Variants in ALCAM observed in about 807,000 individuals in gnomAD.
ALCAM encodes activated leukocyte cell adhesion molecule.
Under a neutral mutation model 70.9 loss-of-function variants are expected in ALCAM, and 30 were observed. The ratio of observed to expected loss-of-function variants is 0.42; its 90% CI spans 0.32 to 0.57. The LOEUF (loss-of-function observed/expected upper bound fraction) is 0.57. ALCAM is among the 20% of genes least tolerant of loss of function. The pLI, the probability that ALCAM is intolerant of heterozygous loss-of-function variation, is 0.11. For missense variants in ALCAM, 591 were observed against 695.1 expected (o/e 0.85, Z 1.68); for synonymous variants, 249 against 242.5 (o/e 1.03, Z -0.25).
In ALCAM at chr3:105,493,919, T is replaced by C. The variant is rs116570459; in HGVS notation, c.74-26148T>C. On this transcript the variant is annotated intron_variant, in intron 1 of 15. Coordinates refer to ENST00000306107, the MANE Select transcript of ALCAM (RefSeq NM_001627.4). ...GAAATAAGGGCCATTATTATCCCCATTATTATTAAGGTTTAGGATATTTTA... is the reference window on the plus strand; with the variant it reads ...GAAATAAGGGCCATTATTATCCCCACTATTATTAAGGTTTAGGATATTTTA... Among the ~76,000 whole-genome samples, 1,333 of 152,330 alleles carry C rather than the reference T, an allele frequency of 8.8e-3. 14 individuals are homozygous for C. The highest frequency in any genetic ancestry group is 0.03 in the African/African-American group (1,227 of 41,566).
At chr3:105,408,177 C>T (rs1312585404) in intron 1 of ALCAM, among the ~76,000 whole-genome samples, 4 of 148,792 alleles carry the variant, frequency 2.7e-5, no homozygotes, top group African/African-American at 9.9e-5. Flanking sequence ...ATCAAAAATA[C>T]CACCATTATT....
chr3:105,465,918 A>C (rs1210806997), intron 1 of ALCAM, among the ~76,000 whole-genome samples: 1 of 151,386 alleles, frequency 6.6e-6, no homozygotes, highest in Non-Finnish European at 1.5e-5. Flanking sequence ...ATACAGCAAG[A>C]AAAAGACAGT....
chr3:105,441,632 C>A (rs1386399327), intron 1 of ALCAM, among the ~76,000 whole-genome samples: 1 of 152,170 alleles, frequency 6.6e-6, no homozygotes, highest in East Asian at 1.9e-4. Flanking sequence ...ATCCTGTAAT[C>A]AATAAGTGAA....
intron 1 of ALCAM, among the ~76,000 whole-genome samples, chr3:105,444,047 T>C (rs1176363044): frequency 2.0e-5 from 3 of 152,174 alleles, no homozygotes; most frequent in African/African-American, 7.2e-5. Flanking sequence ...AAGGGCTCTT[T>C]AAAAAAATGC....
At chr3:105,379,482 AAAG>A (rs1477098796) in intron 1 of ALCAM, among the ~76,000 whole-genome samples, 1 of 151,860 alleles carries the variant, frequency 6.6e-6, no homozygotes, top group African/African-American at 2.4e-5. Context: ...TCCACAAAAA[AAAG>A]AGAAAAAAAC....
intron 8 of ALCAM, among the ~76,000 whole-genome samples, chr3:105,542,642 G>A (rs1476326794): frequency 6.6e-6 from 1 of 151,800 alleles, no homozygotes; most frequent in East Asian, 1.9e-4. Context: ...TGAGTATAAA[G>A]AGACTTTAGA....
chr3:105,448,200 T>G (rs1176216168), intron 1 of ALCAM, among the ~76,000 whole-genome samples: 14 of 152,230 alleles, frequency 9.2e-5, no homozygotes, highest in Admixed American at 9.2e-4. Context: ...TTTAGAGGTC[T>G]TCTTTGTCTT....
chr3:105,425,271 GT>G (rs1279885045), intron 1 of ALCAM, among the ~76,000 whole-genome samples: 1 of 151,764 alleles, frequency 6.6e-6, no homozygotes, highest in African/African-American at 2.4e-5. Flanking sequence ...TGCCTCATAT[GT>G]TTGATGACAC....
chr3:105,383,290 T>C (rs538094934), intron 1 of ALCAM, among the ~76,000 whole-genome samples: 6 of 151,868 alleles, frequency 4.0e-5, no homozygotes, highest in African/African-American at 1.2e-4. Flanking sequence ...AGGCAGGAGC[T>C]GTGTCTACTT....
chr3:105,490,440 A>G (rs1938549409), intron 1 of ALCAM, among the ~76,000 whole-genome samples: 1 of 152,158 alleles, frequency 6.6e-6, no homozygotes, highest in Non-Finnish European at 1.5e-5. Flanking sequence ...TAGAAGTAAA[A>G]GTATTGTTCT....
chr3:105,378,495 G>A lies in ALCAM; in HGVS notation c.73+11014G>A, dbSNP rs1935434014. Among the ~76,000 whole-genome samples, 2 of 151,952 alleles carry A rather than the reference G, an allele frequency of 1.3e-5. 1 individual carries two copies. Among genetic ancestry groups the A allele is most frequent in the African/African-American group, 4.8e-5 (2 of 41,508 alleles). On this transcript the variant is annotated intron_variant, in intron 1 of 15. Coordinates refer to ENST00000306107, the MANE Select transcript of ALCAM (RefSeq NM_001627.4). Reference sequence around the variant, plus strand: ...TAGGTTTTATATTTTTGCAGAGATGGTCATGGATCTAAGTATGAATAACAG... The same window carrying A: ...TAGGTTTTATATTTTTGCAGAGATGATCATGGATCTAAGTATGAATAACAG...
At chr3:105,546,053 G>C (rs984846460) in intron 9 of ALCAM, among the ~76,000 whole-genome samples, 8 of 151,404 alleles carry the variant, frequency 5.3e-5, no homozygotes, top group African/African-American at 1.9e-4. Context: ...TTAGAGTAAG[G>C]AAGTGTGACT....
At chr3:105,476,609 A>G (rs1938118917) in intron 1 of ALCAM, among the ~76,000 whole-genome samples, 2 of 152,102 alleles carry the variant, frequency 1.3e-5, no homozygotes, top group South Asian at 4.1e-4. Context: ...AATAAATACA[A>G]TGAATAAAAC....
chr3:105,423,154 A>C (rs1303178818), intron 1 of ALCAM, among the ~76,000 whole-genome samples: 1 of 151,418 alleles, frequency 6.6e-6, no homozygotes, highest in Non-Finnish European at 1.5e-5. Context: ...TAAGAGTTTT[A>C]TTGCAATAAT....
At chr3:105,378,246 A>G (rs1320629992) in intron 1 of ALCAM, among the ~76,000 whole-genome samples, 1 of 151,954 alleles carries the variant, frequency 6.6e-6, no homozygotes, top group Non-Finnish European at 1.5e-5. Context: ...AGTTTTGAAA[A>G]ATTATATGCC....
chr3:105,459,406 T>G (rs1937574546), intron 1 of ALCAM, among the ~76,000 whole-genome samples: 1 of 152,078 alleles, frequency 6.6e-6, no homozygotes, highest in Admixed American at 6.6e-5. Flanking sequence ...TTCTAATAGA[T>G]TGGGAAGACA....
intron 1 of ALCAM, among the ~76,000 whole-genome samples, chr3:105,507,784 A>G (rs995644209): frequency 2.6e-5 from 4 of 152,184 alleles, no homozygotes; most frequent in Non-Finnish European, 5.9e-5. Flanking sequence ...GTTAATTGTG[A>G]AAAGTGTTTT....
intron 14 of ALCAM, among the ~76,000 whole-genome samples, chr3:105,564,447 G>A (rs1940701355): frequency 1.3e-5 from 2 of 152,058 alleles, no homozygotes; most frequent in Non-Finnish European, 2.9e-5. Flanking sequence ...ACTCCTTCCA[G>A]CACTCTTCTT....
intron 1 of ALCAM, among the ~76,000 whole-genome samples, chr3:105,371,653 T>A (rs1295331158): frequency 1.3e-5 from 2 of 152,100 alleles, no homozygotes; most frequent in Non-Finnish European, 2.9e-5. Flanking sequence ...GATAGTATTT[T>A]AAATGCTTTA....
Sources: allele counts gnomAD v4.1 joint callset (sites outside exome capture counted in the v4.1 genomes callset), GRCh38; gene constraint gnomAD v4.1.1; transcripts MANE v1.5; gene names NCBI Gene and HGNC (gene_info 2026-07-23, HGNC 2026-07-21).